ENOX1: variants seen among roughly 807,000 people sequenced by gnomAD.
ENOX1 encodes the protein candidate growth-related and time keeping constitutive hydroquinone (NADH) oxidase.
A neutral mutation model predicts 82.5 loss-of-function variants in ENOX1; 42 were observed. The observed-to-expected ratio is 0.51, with a 90% CI of 0.40 to 0.66. ENOX1 has a LOEUF of 0.66. ENOX1 is among the 30% of genes least tolerant of loss of function. The pLI is 0.00. For synonymous variants in ENOX1, 271 were observed against 282.2 expected, an observed-to-expected ratio of 0.96 and a Z score of 0.40; for missense variants, 608 against 811.6, an observed-to-expected ratio of 0.75 and a Z score of 3.05.
At chr13:43,412,099 G>A (rs775087829) in intron 4 of ENOX1, 46 bp from the exon 5 acceptor site, 2 of 1,585,926 alleles carry the variant, frequency 1.3e-6, no homozygotes, top group Non-Finnish European at 1.7e-6. Context: ...AGGCAAGGGT[G>A]TTTGTTTTAA....
At chr13:43,326,264 G>A (rs1336537600) in intron 10 of ENOX1, among the ~76,000 whole-genome samples, 155 bp downstream of exon 10, 1 of 152,172 alleles carries the variant, frequency 6.6e-6, no homozygotes, top group African/African-American at 2.4e-5. Flanking sequence ...TCTGGACAAG[G>A]AACAAATCTC....
intron 3 of ENOX1, among the ~76,000 whole-genome samples, chr13:43,436,750 A>G (rs1175421976): frequency 6.6e-6 from 1 of 152,206 alleles, no homozygotes; most frequent in Admixed American, 6.5e-5. Context: ...TATTTACAGA[A>G]AACTTTTTTT....
chr13:43,572,366 A>G (rs1414261905), intron 2 of ENOX1, among the ~76,000 whole-genome samples: 12 of 152,166 alleles, frequency 7.9e-5, no homozygotes, highest in Admixed American at 7.9e-4. Flanking sequence ...AGGACAGTGG[A>G]ATATTATTTT....
chr13:43,419,003 C>T (rs2031356), intron 3 of ENOX1, among the ~76,000 whole-genome samples: 79,202 of 151,990 alleles, frequency 0.52, 25,460 homozygotes, highest in Non-Finnish European at 0.73. Context: ...TATAGTGAAA[C>T]CCCGTCTCTA....
chr13:43,606,702 TTAGA>T (rs926381573), intron 2 of ENOX1, among the ~76,000 whole-genome samples: 10 of 151,984 alleles, frequency 6.6e-5, no homozygotes, highest in Admixed American at 3.3e-4. Flanking sequence ...AAAAATATAA[TTAGA>T]TAGAATGAAT....
Position 43,359,873 on chromosome 13 carries a change from A to G in ENOX1, c.567T>C (p.Val189=). 1 of 1,614,224 alleles carries G rather than the reference A, an allele frequency of 6.2e-7. No homozygotes were observed. Among genetic ancestry groups the G allele is most frequent in the Non-Finnish European group, 8.5e-7 (1 of 1,180,018 alleles). The change falls in exon 7 of 17, where the codon GTT becomes GTC. Residue 189 remains valine (V), a synonymous_variant. Transcript: ENST00000690772. ...CHIRFAEEFM[V]DKAIYLSGYR... is the part of the protein sequence containing the mutation. The stretch of plus-strand genomic sequence containing the variant: ...TACCAGAAAGGTAAATGGCTTTATC[A>G]ACCATGAATTCCTCTGCAAAGCGAA...
chr13:43,239,730 C>G (rs553732658), intron 14 of ENOX1, among the ~76,000 whole-genome samples: 11 of 152,182 alleles, frequency 7.2e-5, no homozygotes, highest in Non-Finnish European at 1.3e-4. Context: ...ATCCATTTTG[C>G]CAAAGAGAAC....
chr13:43,759,192 G>A (rs1288245125), intron 1 of ENOX1, among the ~76,000 whole-genome samples: 2 of 145,836 alleles, frequency 1.4e-5, no homozygotes, highest in Non-Finnish European at 3.0e-5. Context: ...TCTGCCTCCT[G>A]GGTTCAAGCT....
At chr13:43,617,964 T>G (rs769607994) in intron 2 of ENOX1, among the ~76,000 whole-genome samples, 8 of 152,204 alleles carry the variant, frequency 5.3e-5, no homozygotes, top group Non-Finnish European at 1.0e-4. Flanking sequence ...GTGGTTTTGA[T>G]TTACATTCCC....
intron 9 of ENOX1, among the ~76,000 whole-genome samples, chr13:43,327,693 T>C (rs1317547543): frequency 1.3e-5 from 2 of 152,198 alleles, no homozygotes; most frequent in East Asian, 3.8e-4. Context: ...ATCAAAGCTC[T>C]TCCAAATCTT....
chr13:43,294,852 TAAAG>T (rs1555309459), intron 12 of ENOX1, among the ~76,000 whole-genome samples: 1 of 152,202 alleles, frequency 6.6e-6, no homozygotes. Flanking sequence ...TTCATTATGC[TAAAG>T]AAAGAAGCCC....
intron 1 of ENOX1, among the ~76,000 whole-genome samples, chr13:43,768,617 T>C (rs1951418794): frequency 6.6e-6 from 1 of 152,074 alleles, no homozygotes. Flanking sequence ...CAAGATACTG[T>C]CTCTTAAAAC....
At chr13:43,763,083 C>T (rs927726500) in intron 1 of ENOX1, among the ~76,000 whole-genome samples, 1 of 152,118 alleles carries the variant, frequency 6.6e-6, no homozygotes, top group Non-Finnish European at 1.5e-5. Flanking sequence ...TTTATTCAAC[C>T]TTCTTACTTT....
chr13:43,510,356 G>A (rs2077322505), intron 2 of ENOX1, among the ~76,000 whole-genome samples: 1 of 152,080 alleles, frequency 6.6e-6, no homozygotes, highest in African/African-American at 2.4e-5. Context: ...TTCCATGAGA[G>A]CAAGAATGTT....
At chr13:43,557,623 G>A (rs1036537143) in intron 2 of ENOX1, among the ~76,000 whole-genome samples, 8 of 152,058 alleles carry the variant, frequency 5.3e-5, no homozygotes, top group African/African-American at 1.2e-4. Flanking sequence ...GGTTCCAACC[G>A]TATAAGTAGT....
intron 1 of ENOX1, among the ~76,000 whole-genome samples, chr13:43,718,676 CAAAAAAAAAAAAAAA>C (rs61671392): frequency 7.2e-5 from 4 of 55,590 alleles, no homozygotes; most frequent in African/African-American, 2.4e-4. Flanking sequence ...GACTCCGTCT[CAAAAAAAAAAAAAAA>C]AAAAAAAAAA....
rs554059178 is a variant in ENOX1 at position 43,363,604 on chromosome 13, G to A, written c.209-2152C>T. On this transcript the variant is annotated intron_variant, in intron 5 of 16. Coordinates refer to ENST00000690772, the MANE Select transcript of ENOX1 (RefSeq NM_001347969.2). Reference sequence around the variant, plus strand: ...TTGTGCTTTTATTTAATCTCATTCCGTACATCGGCTTCATCTGTTTTTTTC... The same window carrying A: ...TTGTGCTTTTATTTAATCTCATTCCATACATCGGCTTCATCTGTTTTTTTC... Among the ~76,000 whole-genome samples the A allele has an allele frequency of 1.1e-4, 17 of 152,186 alleles. No individual in the cohort carries two copies. The South Asian group carries it at 2.1e-3, about 19-fold the overall frequency.
At chr13:43,595,166 C>A (rs6561131) in intron 2 of ENOX1, among the ~76,000 whole-genome samples, 145,149 of 149,352 alleles carry the variant, frequency 0.97, 70,670 homozygotes, top group Non-Finnish European at 1. Context: ...CTTAATGTAC[C>A]AGATTTTAAG....
chr13:43,477,857 C>T (rs575750626), intron 3 of ENOX1, among the ~76,000 whole-genome samples: 1 of 152,216 alleles, frequency 6.6e-6, no homozygotes, highest in East Asian at 1.9e-4. Context: ...GGCAACATTG[C>T]AATTAATATT....
Sources: gnomAD v4.1 joint callset for allele counts (sites outside exome capture counted in the v4.1 genomes callset) on GRCh38, gnomAD v4.1.1 for gene constraint, MANE v1.5 for transcripts, NCBI Gene and HGNC (gene_info 2026-07-23, HGNC 2026-07-21) for gene names.